Variants in KLHL5 observed in about 807,000 individuals in gnomAD.
KLHL5 encodes kelch-like protein 5.
A neutral mutation model predicts 77.7 loss-of-function variants in KLHL5; 48 were observed. The observed-to-expected ratio is 0.62, with a 90% confidence interval of 0.49 to 0.79. The LOEUF (loss-of-function observed/expected upper bound fraction) is 0.79, where lower values mean the gene tolerates loss of function less well. KLHL5 is among the 30% of genes least tolerant of loss of function. The pLI is 0.00. For synonymous variants in KLHL5, 260 were observed against 297.0 expected (o/e 0.88, Z 1.28); for missense variants, 723 against 859.7 (o/e 0.84, Z 1.99).
chr4:39,108,534 C>G (rs1371286191), intron 8 of KLHL5, among the ~76,000 whole-genome samples: 1 of 152,036 alleles, frequency 6.6e-6, no homozygotes, highest in African/African-American at 2.4e-5. Context: ...GATCTTGTTT[C>G]TTCAGGACCT....
Position 39,115,268 on chromosome 4 carries a change from G to A in KLHL5, c.2011G>A (p.Asp671Asn), listed in dbSNP as rs1722753193. 1 of 1,614,040 alleles carries A rather than the reference G, an allele frequency of 6.2e-7. No homozygotes were observed. Among genetic ancestry groups the A allele is most frequent in the Non-Finnish European group, 8.5e-7 (1 of 1,179,972 alleles). ...GDKLYAVGGY[D>N]GQAYLNTVEA... is the part of the protein sequence containing the mutation. ...TAAGTTATATGCTGTTGGGGGGTATGATGGACAGGCATACCTTAATACTGT... is the reference window on the plus strand; with the variant it reads ...TAAGTTATATGCTGTTGGGGGGTATAATGGACAGGCATACCTTAATACTGT... The change falls in exon 10 of 11, where the codon GAT becomes AAT. Residue 671 changes from aspartate to asparagine, a missense_variant. By Grantham distance (23) the Asp-to-Asn change is conservative. Transcript: ENST00000504108.
At chr4:39,096,188 T>TGTCACTGG (rs529548308) in intron 5 of KLHL5, among the ~76,000 whole-genome samples, 2,215 of 152,240 alleles carry the variant, frequency 0.015, 53 homozygotes, top group African/African-American at 0.051. Context: ...ACAAAAGGGA[T>TGTCACTGG]TTTAATGTTT....
At chr4:39,056,936 A>G (rs1189728705) in intron 1 of KLHL5, among the ~76,000 whole-genome samples, 1 of 152,180 alleles carries the variant, frequency 6.6e-6, no homozygotes, top group Non-Finnish European at 1.5e-5. Flanking sequence ...GCTTCCAGTC[A>G]AGTTTGAGCT....
chr4:39,058,564 C>T (rs1446230920), upstream of KLHL5, among the ~76,000 whole-genome samples: 2 of 152,088 alleles, frequency 1.3e-5, no homozygotes, highest in Non-Finnish European at 2.9e-5. Context: ...ATGCAGTGAG[C>T]TGAGATCGAG....
At chr4:39,078,737 G>A (rs1270091308) in intron 2 of KLHL5, among the ~76,000 whole-genome samples, 1 of 151,962 alleles carries the variant, frequency 6.6e-6, no homozygotes, top group African/African-American at 2.4e-5. Flanking sequence ...TGGACTTTGG[G>A]GACTTGGGGG....
In KLHL5 at chr4:39,122,139, TGAATTGTTA is replaced by T. The variant is rs1723245737; in HGVS notation, c.*1074_*1082del. On this transcript the variant is annotated 3_prime_UTR_variant, in exon 11 of 11. Coordinates refer to ENST00000504108, the MANE Select transcript of KLHL5 (RefSeq NM_015990.5). ...CATATGTGAATGTTATTACTCTCAG[TGAATTGTTA>T]TTGTTTGCAAAAATGCACTGGGCAG... 1 of 152,654 alleles carries T rather than the reference TGAATTGTTA, an allele frequency of 6.6e-6. No individual in the cohort carries two copies. The highest frequency in any genetic ancestry group is 2.1e-4 in the South Asian group (1 of 4,832). The allele number at this position is 152,654 out of a possible 1,614,324, so 9.5% of individuals were successfully genotyped here.
In KLHL5 at chr4:39,103,974, C is replaced by CAAAAAAAAAAAAAA. The variant is rs35801364; in HGVS notation, c.1525+470_1525+483dup. On this transcript the variant is annotated intron_variant, in intron 7 of 10. Coordinates refer to ENST00000504108, the MANE Select transcript of KLHL5 (RefSeq NM_015990.5). ...CTCCAGCCTGGCAAAACATCTATCT[C>CAAAAAAAAAAAAAA]AAAAAAAAAAAAAAAAAAAAGGATC... Among the ~76,000 whole-genome samples the CAAAAAAAAAAAAAA allele has an allele frequency of 3.2e-5, 3 of 93,226 alleles. 1 individual carries two copies. Among genetic ancestry groups the CAAAAAAAAAAAAAA allele is most frequent in the African/African-American group, 8.1e-5 (2 of 24,692 alleles). 61.2% of individuals were successfully genotyped at this position (93,226 alleles called of 152,430 possible).
chr4:39,131,086 C>T (rs1723785431), downstream of KLHL5, among the ~76,000 whole-genome samples: 1 of 149,492 alleles, frequency 6.7e-6, no homozygotes, highest in South Asian at 2.1e-4. Context: ...CTCCTGGACT[C>T]AAGAGATCTG....
At chr4:39,133,906 T>C in the KLHL5 span, 1 of 152,206 alleles carries the variant, frequency 6.6e-6, no homozygotes, top group Non-Finnish European at 1.5e-5. Context: ...TATATCTTTT[T>C]CTTGACATTT....
chr4:39,075,299 C>T (rs1004879878), intron 1 of KLHL5, among the ~76,000 whole-genome samples: 3 of 150,532 alleles, frequency 2.0e-5, no homozygotes, highest in Non-Finnish European at 4.4e-5. Flanking sequence ...CCATTGCACT[C>T]CAGCCTGGGC....
chr4:39,057,812 TA>T (rs1279825818), upstream of KLHL5, among the ~76,000 whole-genome samples: 1 of 152,150 alleles, frequency 6.6e-6, no homozygotes, highest in African/African-American at 2.4e-5. Context: ...TACTGTTATC[TA>T]AAAAACTCTA....
intron 1 of KLHL5, among the ~76,000 whole-genome samples, chr4:39,046,446 A>G (rs1716195202): frequency 6.6e-6 from 1 of 152,198 alleles, no homozygotes; most frequent in Non-Finnish European, 1.5e-5. Context: ...AAAAGGAACA[A>G]CATAAGTTTC....
At chr4:39,110,537 C>T (rs890904423) in intron 8 of KLHL5, among the ~76,000 whole-genome samples, 3 of 152,142 alleles carry the variant, frequency 2.0e-5, no homozygotes, top group Non-Finnish European at 4.4e-5. Flanking sequence ...CAGCTCACTG[C>T]AGCCTCAACC....
the KLHL5 span, among the ~76,000 whole-genome samples, chr4:39,140,412 G>A: frequency 6.6e-6 from 1 of 152,174 alleles, no homozygotes; most frequent in Admixed American, 6.5e-5. Flanking sequence ...ATAGATAAGT[G>A]TCTTTGTAGG....
At chr4:39,116,812 T>C (rs1432006370) in intron 10 of KLHL5, among the ~76,000 whole-genome samples, 2 of 151,926 alleles carry the variant, frequency 1.3e-5, no homozygotes, top group Non-Finnish European at 2.9e-5. Flanking sequence ...AGGCGCCATC[T>C]CTGCAAAAAT....
chr4:39,114,098 G>T (rs746264024), intron 9 of KLHL5, among the ~76,000 whole-genome samples: 2 of 152,168 alleles, frequency 1.3e-5, no homozygotes, highest in Admixed American at 6.5e-5. Context: ...GTTTGTTGAT[G>T]ATAATGAGCA....
chr4:39,053,811 A>C (rs555384600), intron 1 of KLHL5, among the ~76,000 whole-genome samples: 1 of 152,308 alleles, frequency 6.6e-6, no homozygotes, highest in South Asian at 2.1e-4. Flanking sequence ...CCCTTGCTTT[A>C]CTACCAGGTA....
At chr4:39,066,487 A>C (rs925032141) in intron 1 of KLHL5, among the ~76,000 whole-genome samples, 2 of 152,090 alleles carry the variant, frequency 1.3e-5, no homozygotes, top group Admixed American at 6.5e-5. Context: ...GCACTTTACA[A>C]GTACAGATGC....
intron 5 of KLHL5, among the ~76,000 whole-genome samples, chr4:39,092,068 G>C (rs1370620625): frequency 6.6e-6 from 1 of 151,984 alleles, no homozygotes; most frequent in Non-Finnish European, 1.5e-5. Flanking sequence ...TAGAGCAATA[G>C]TCATAAGGTG....
Sources: allele counts gnomAD v4.1 joint callset (sites outside exome capture counted in the v4.1 genomes callset), GRCh38; gene constraint gnomAD v4.1.1; transcripts MANE v1.5; gene names NCBI Gene and HGNC (gene_info 2026-07-23, HGNC 2026-07-21).